TWSG1: variants seen among roughly 807,000 people sequenced by gnomAD.
TWSG1 encodes the protein twisted gastrulation BMP signaling modulator 1.
Under a neutral mutation model 23.0 loss-of-function variants are expected in TWSG1, and 15 were observed. The observed-to-expected ratio is 0.65, with a 90% CI of 0.44 to 1.00. The LOEUF is 1.00. Among genes scored for constraint, TWSG1 ranks in the 50% least tolerant of loss-of-function variants. The pLI is 0.00. For synonymous variants in TWSG1, 86 were observed against 92.8 expected, an observed-to-expected ratio of 0.93 and a Z score of 0.42; for missense variants, 242 against 278.7, an observed-to-expected ratio of 0.87 and a Z score of 0.94.
intron 3 of TWSG1, among the ~76,000 whole-genome samples, chr18:9,377,082 G>A (rs77014755): frequency 0.091 from 13,782 of 152,202 alleles, 708 homozygotes; most frequent in African/African-American, 0.1. Flanking sequence ...TTGAGCATCT[G>A]TGGATTTTGG....
chr18:9,359,912 A>T, intron 2 of TWSG1, 60 bp from the exon 3 acceptor site: 1 of 1,385,860 alleles, frequency 7.2e-7, no homozygotes, highest in Non-Finnish European at 1.0e-6. Flanking sequence ...TTGCTTAAAA[A>T]GTAGCAGTTT....
intron 3 of TWSG1, among the ~76,000 whole-genome samples, chr18:9,385,221 G>T (rs1007999016): frequency 6.6e-6 from 1 of 152,152 alleles, no homozygotes; most frequent in Non-Finnish European, 1.5e-5. Flanking sequence ...CTAGGAAAAA[G>T]AAATTGGAGA....
At chr18:9,360,163 G>T in intron 3 of TWSG1, 92 bp downstream of exon 3, 3 of 941,152 alleles carry the variant, frequency 3.2e-6, no homozygotes, top group South Asian at 1.5e-5. Flanking sequence ...TAGTTTATGT[G>T]CATAAACAAG....
intron 3 of TWSG1, among the ~76,000 whole-genome samples, chr18:9,393,778 C>T (rs1301534400): frequency 2.6e-5 from 4 of 152,126 alleles, no homozygotes; most frequent in African/African-American, 7.2e-5. Flanking sequence ...CCTGGCTGGT[C>T]TTGAACTCCT....
intron 2 of TWSG1, among the ~76,000 whole-genome samples, chr18:9,346,178 G>A (rs1413849920): frequency 1.3e-5 from 2 of 151,970 alleles, no homozygotes; most frequent in African/African-American, 4.8e-5. Flanking sequence ...AGTAACCACT[G>A]ATGTTTTTTA....
chr18:9,369,099 C>CTCTG (rs2040592708), intron 3 of TWSG1, among the ~76,000 whole-genome samples: 1 of 149,140 alleles, frequency 6.7e-6, no homozygotes, highest in Admixed American at 6.8e-5. Flanking sequence ...ACAGAGTAGA[C>CTCTG]TCTGTCTCAA....
At chr18:9,352,033 T>C (rs751985574) in intron 2 of TWSG1, among the ~76,000 whole-genome samples, 2 of 152,204 alleles carry the variant, frequency 1.3e-5, no homozygotes, top group African/African-American at 2.4e-5. Context: ...AGAGAATATT[T>C]TTCATCACCC....
chr18:9,335,125 C>T (rs2040415787), intron 1 of TWSG1, among the ~76,000 whole-genome samples: 1 of 152,140 alleles, frequency 6.6e-6, no homozygotes, highest in Non-Finnish European at 1.5e-5. Flanking sequence ...AGCAGCATCT[C>T]TGCGCCGCTT....
At chr18:9,350,164 A>G (rs997764516) in intron 2 of TWSG1, among the ~76,000 whole-genome samples, 2 of 152,100 alleles carry the variant, frequency 1.3e-5, no homozygotes, top group Admixed American at 1.3e-4. Context: ...TTGTGGCGCT[A>G]ACCTATTTTT....
At chr18:9,395,892 T>C (rs1052976260) in intron 3 of TWSG1, among the ~76,000 whole-genome samples, 2 of 152,112 alleles carry the variant, frequency 1.3e-5, no homozygotes, top group Non-Finnish European at 2.9e-5. Context: ...GCTCAAATTG[T>C]CTATTAGCCA....
intron 3 of TWSG1, among the ~76,000 whole-genome samples, chr18:9,388,940 A>G (rs1467956195): frequency 6.6e-6 from 1 of 151,586 alleles, no homozygotes; most frequent in Non-Finnish European, 1.5e-5. Context: ...TCTATTTACT[A>G]ATTTTTTTGT....
intron 3 of TWSG1, among the ~76,000 whole-genome samples, chr18:9,390,254 C>T (rs535013327): frequency 2.1e-4 from 32 of 152,200 alleles, no homozygotes; most frequent in African/African-American, 6.7e-4. Context: ...TCCGCCCCTC[C>T]AGGTTCACGC....
intron 3 of TWSG1, among the ~76,000 whole-genome samples, chr18:9,375,243 G>T (rs1468849107): frequency 2.7e-5 from 4 of 149,466 alleles, no homozygotes; most frequent in Non-Finnish European, 5.9e-5. Flanking sequence ...AAAATCACAT[G>T]ATTATATCAA....
rs1427802098 is a variant in TWSG1 at position 9,337,350 on chromosome 18, C to T, written c.121C>T (p.Gln41Ter). The change falls in exon 2 of 5, where the codon CAG becomes TAG. Residue 41 changes from glutamine (Q) to a stop codon, truncating the protein, a stop_gained and splice_region_variant. Transcript: ENST00000262120. LOFTEE classifies it high-confidence loss of function. ...TAGTGATGTGAGCAAATGCCTCATT[C>T]AGGTAGGACTAAGAGTACTTTTATT... ...CASDVSKCLIQELCQCRPGEG... is the reference protein window; with the variant it reads ...CASDVSKCLI 1.6e-5 allele frequency: 25 copies of T among 1,612,808 alleles called. No individual in the cohort carries two copies. Among genetic ancestry groups the T allele is most frequent in the Non-Finnish European group, 8.5e-7 (1 of 1,179,884 alleles).
chr18:9,342,694 A>C (rs2040451168), intron 2 of TWSG1, among the ~76,000 whole-genome samples: 1 of 152,186 alleles, frequency 6.6e-6, no homozygotes, highest in South Asian at 2.1e-4. Context: ...GTCTGATGCA[A>C]GCTGTCTTAT....
intron 2 of TWSG1, among the ~76,000 whole-genome samples, chr18:9,337,808 A>G (rs955729314): frequency 2.6e-5 from 4 of 152,204 alleles, no homozygotes; most frequent in African/African-American, 9.6e-5. Context: ...GTATTATTTC[A>G]TGCAGTTTCT....
intron 3 of TWSG1, among the ~76,000 whole-genome samples, chr18:9,381,691 G>A (rs566274586): frequency 6.6e-6 from 1 of 152,248 alleles, no homozygotes; most frequent in Admixed American, 6.5e-5. Context: ...ATGCCAAAAA[G>A]GTGCTTATAA....
chr18:9,344,060 C>A (rs1466459474), intron 2 of TWSG1, among the ~76,000 whole-genome samples: 1 of 152,106 alleles, frequency 6.6e-6, no homozygotes, highest in East Asian at 1.9e-4. Flanking sequence ...GCCACCATAC[C>A]TGGCTAATTA....
intron 2 of TWSG1, among the ~76,000 whole-genome samples, chr18:9,339,204 C>CA (rs72257920): frequency 0.067 from 9,550 of 141,718 alleles, 427 homozygotes; most frequent in Non-Finnish European, 0.1. Flanking sequence ...GACCCTGTCT[C>CA]AAAAAAAAAA....
Sources: allele counts gnomAD v4.1 joint callset (sites outside exome capture counted in the v4.1 genomes callset), GRCh38; gene constraint gnomAD v4.1.1; transcripts MANE v1.5; gene names NCBI Gene and HGNC (gene_info 2026-07-23, HGNC 2026-07-21).